The following ADAMTS3 variants were observed in gnomAD, a reference collection of about 807,000 sequenced individuals.
The protein encoded by ADAMTS3 is ADAM metallopeptidase with thrombospondin type 1 motif 3.
In ADAMTS3, 73 loss-of-function variants were observed where a neutral mutation model predicts 129.0. That is an observed-to-expected ratio of 0.57 (90% CI 0.47 to 0.69). ADAMTS3 has a LOEUF of 0.69. Ranked by LOEUF, ADAMTS3 falls within the 30% of genes least tolerant of loss-of-function variation. The probability of loss-of-function intolerance (pLI) is 0.00; values close to 1 mark genes in which losing one functional copy is unlikely to be tolerated. For synonymous variants in ADAMTS3, 477 were observed against 510.8 expected, an observed-to-expected ratio of 0.93 and a Z score of 0.89; for missense variants, 1,457 against 1,514.5, an observed-to-expected ratio of 0.96 and a Z score of 0.63.
intron 18 of ADAMTS3, among the ~76,000 whole-genome samples, chr4:72,297,634 G>C (rs1381880544): frequency 6.6e-6 from 1 of 152,082 alleles, no homozygotes. Flanking sequence ...ACTCTGGAGA[G>C]GGAACGGAGG....
intron 4 of ADAMTS3, among the ~76,000 whole-genome samples, chr4:72,399,691 G>C (rs1031456306): frequency 3.9e-5 from 3 of 77,582 alleles, no homozygotes; most frequent in Non-Finnish European, 7.7e-5. Flanking sequence ...ATATATATGT[G>C]TATATATACA....
At chr4:72,466,718 A>C (rs1718929914) in intron 3 of ADAMTS3, among the ~76,000 whole-genome samples, 1 of 151,996 alleles carries the variant, frequency 6.6e-6, no homozygotes, top group African/African-American at 2.4e-5. Context: ...TCTACCCTTG[A>C]CCATCTTCTC....
intron 5 of ADAMTS3, among the ~76,000 whole-genome samples, chr4:72,328,053 G>A (rs1032380647): frequency 4.6e-5 from 7 of 152,114 alleles, no homozygotes; most frequent in Admixed American, 1.3e-4. Flanking sequence ...TCTAAGTGAC[G>A]TATTTGACAC....
chr4:72,544,114 GCA>G (rs1721406562), intron 3 of ADAMTS3, among the ~76,000 whole-genome samples: 1 of 151,996 alleles, frequency 6.6e-6, no homozygotes, highest in African/African-American at 2.4e-5. Context: ...GGATGACAAA[GCA>G]CCATAAAACT....
At position 72,567,540 on chromosome 4, in the gene ADAMTS3, C is replaced by G. The variant is rs987824328; in HGVS notation, c.70-139G>C. The G allele has an allele frequency of 1.8e-5, 14 of 795,854 alleles. No individual in the cohort carries two copies. The African/African-American group carries it at 2.4e-4, about 14-fold the overall frequency. The allele number at this position is 795,854 out of a possible 1,614,324, so 49.3% of individuals were successfully genotyped here. A position where few individuals can be genotyped will look rare whatever the true frequency, so the allele number is the denominator to read the frequency against. ...TAGAGACTGGGATTGGTGCCTAAAG[C>G]CTGCACCTTGGTTTGTAGAAGGTTC... is the stretch of plus-strand genomic sequence containing the variant. On this transcript the variant is annotated intron_variant, in intron 1 of 21. Transcript: ENST00000286657.
Position 72,339,589 on chromosome 4 carries a change from A to G in ADAMTS3, c.766T>C (p.Tyr256His). Reference protein sequence around the residue: ...RRRRHAGENDYNIEVLLGVDD... With the variant: ...RRRRHAGENDHNIEVLLGVDD... ...ACTCCCAGCAGTACCTCGATATTGT[A>G]ATCGTTTTCTCCCGCGTGTCTGCGG... Residue 256 changes from tyrosine (Y) to histidine (H), a missense_variant, in exon 5 of 22, where the codon TAC becomes CAC. Coordinates refer to ENST00000286657, the MANE Select transcript of ADAMTS3 (RefSeq NM_014243.3). 1 of 1,613,948 alleles carries G rather than the reference A, an allele frequency of 6.2e-7. No homozygotes were observed. The highest frequency in any genetic ancestry group is 1.1e-5 in the South Asian group (1 of 91,076).
At chr4:72,484,704 G>A (rs1719532320) in intron 3 of ADAMTS3, among the ~76,000 whole-genome samples, 1 of 152,208 alleles carries the variant, frequency 6.6e-6, no homozygotes, top group South Asian at 2.1e-4. Flanking sequence ...AGGATAGGCA[G>A]CATGGCGGAA....
chr4:72,351,096 T>C (rs1720423504), intron 4 of ADAMTS3, among the ~76,000 whole-genome samples: 1 of 148,620 alleles, frequency 6.7e-6, no homozygotes, highest in Non-Finnish European at 1.5e-5. Flanking sequence ...GCTCACCTCA[T>C]ATGTTTCTCA....
chr4:72,464,914 C>T (rs1019974538), intron 3 of ADAMTS3, among the ~76,000 whole-genome samples: 8 of 151,976 alleles, frequency 5.3e-5, no homozygotes, highest in Admixed American at 3.3e-4. Context: ...CTCACAGGAG[C>T]GGCAGTAGTC....
chr4:72,363,304 G>C (rs993455297), intron 4 of ADAMTS3, among the ~76,000 whole-genome samples: 2 of 152,078 alleles, frequency 1.3e-5, no homozygotes, highest in Non-Finnish European at 2.9e-5. Flanking sequence ...GTATGAATTT[G>C]AAACGGATGA....
intron 3 of ADAMTS3, among the ~76,000 whole-genome samples, chr4:72,532,103 G>GA (rs922860547): frequency 5.9e-5 from 9 of 151,372 alleles, no homozygotes; most frequent in Non-Finnish European, 1.2e-4. Context: ...AAGTCAGCTA[G>GA]AAAAAACCAG....
intron 3 of ADAMTS3, among the ~76,000 whole-genome samples, chr4:72,434,694 A>G (rs1722777228): frequency 6.6e-6 from 1 of 151,836 alleles, no homozygotes; most frequent in Non-Finnish European, 1.5e-5. Flanking sequence ...TGCAGATGCA[A>G]TTAAGGTCTT....
chr4:72,355,646 G>T lies in ADAMTS3; in HGVS notation c.662-15953C>A, dbSNP rs144677553. Among the ~76,000 whole-genome samples, 423 of 152,124 alleles carry T rather than the reference G, an allele frequency of 2.8e-3. 1 individual carries two copies. The highest frequency in any genetic ancestry group is 9.4e-3 in the African/African-American group (389 of 41,538). On this transcript the variant is annotated intron_variant, in intron 4 of 21. Coordinates refer to ENST00000286657, the MANE Select transcript of ADAMTS3 (RefSeq NM_014243.3). ...CGTGGGTTTCCCCCATCCATCATGT[G>T]AGGATGCAGCAACAAGGCACCATCT... is the stretch of plus-strand genomic sequence containing the variant.
At chr4:72,422,049 T>A (rs998574938) in intron 3 of ADAMTS3, among the ~76,000 whole-genome samples, 1 of 152,168 alleles carries the variant, frequency 6.6e-6, no homozygotes, top group Non-Finnish European at 1.5e-5. Flanking sequence ...TGCTCTCAGG[T>A]CTGCAACATT....
At position 72,498,900 on chromosome 4, in the gene ADAMTS3, A is replaced by G. The variant is rs552203127; in HGVS notation, c.504+49578T>C. Among the ~76,000 whole-genome samples, 6 of 152,242 alleles carry G rather than the reference A, an allele frequency of 3.9e-5. No individual in the cohort carries two copies. The East Asian group carries it at 7.7e-4, about 20-fold the overall frequency. On this transcript the variant is annotated intron_variant, in intron 3 of 21. Transcript: ENST00000286657. Reference sequence around the variant, plus strand: ...GTCCATGCCTTTGAACTGATTACACATAATTCTTCCATCTCTGACACTATT... The same window carrying G: ...GTCCATGCCTTTGAACTGATTACACGTAATTCTTCCATCTCTGACACTATT...
At chr4:72,490,586 G>A (rs1360185096) in intron 3 of ADAMTS3, among the ~76,000 whole-genome samples, 1 of 151,882 alleles carries the variant, frequency 6.6e-6, no homozygotes, top group African/African-American at 2.4e-5. Flanking sequence ...GGTTTTTCCA[G>A]CACCATTTAT....
intron 3 of ADAMTS3, among the ~76,000 whole-genome samples, chr4:72,514,793 G>C (rs144407676): frequency 4.6e-5 from 7 of 151,702 alleles, no homozygotes; most frequent in African/African-American, 1.7e-4. Context: ...TTACTTAACA[G>C]CATTTAAAAA....
At position 72,568,614 on chromosome 4, in the gene ADAMTS3, G is replaced by C. The variant is rs755707064; in HGVS notation, c.69+80C>G. 72 of 1,044,496 alleles carry C rather than the reference G, an allele frequency of 6.9e-5. No individual in the cohort carries two copies. The Admixed American group carries it at 8.6e-4, about 13-fold the overall frequency. 64.7% of individuals were successfully genotyped at this position (1,044,496 alleles called of 1,614,324 possible). ...AGGGTGGGAGGAGAAGGAGGAAAGA[G>C]AGGAGGGTAGAGAGGGGAGGAACTT... On this transcript the variant is annotated intron_variant, in intron 1 of 21. Coordinates refer to ENST00000286657, the MANE Select transcript of ADAMTS3 (RefSeq NM_014243.3).
Position 72,384,266 on chromosome 4 carries a change from C to A in ADAMTS3, c.661+30549G>T, listed in dbSNP as rs960358274. ...GAAAAATTATTTGAAATGATTATGG[C>A]CATTTTCAAAATCTGCTAGAAGACA... On this transcript the variant is annotated intron_variant, in intron 4 of 21. Transcript: ENST00000286657. Among the ~76,000 whole-genome samples the A allele has an allele frequency of 1.1e-4, 16 of 152,000 alleles. 1 individual carries two copies. Among genetic ancestry groups the A allele is most frequent in the Admixed American group, 8.5e-4 (13 of 15,258 alleles).
Sources: gnomAD v4.1 joint callset for allele counts (sites outside exome capture counted in the v4.1 genomes callset) on GRCh38, gnomAD v4.1.1 for gene constraint, MANE v1.5 for transcripts, NCBI Gene and HGNC (gene_info 2026-07-23, HGNC 2026-07-21) for gene names.